The following SLC30A9 variants were observed in gnomAD, a reference collection of about 807,000 sequenced individuals.
The protein encoded by SLC30A9 is solute carrier family 30 member 9, also known as proton-coupled zinc antiporter SLC30A9, mitochondrial.
In SLC30A9, 58 loss-of-function variants were observed where a neutral mutation model predicts 87.5. The observed-to-expected ratio is 0.66, with a 90% CI of 0.54 to 0.82. The LOEUF is 0.82. SLC30A9 is among the 40% of genes least tolerant of loss of function. SLC30A9 has a pLI of 0.00. For synonymous variants in SLC30A9, 234 were observed against 233.0 expected, an observed-to-expected ratio of 1.00 and a Z score of -0.04; for missense variants, 557 against 679.1, an observed-to-expected ratio of 0.82 and a Z score of 2.00.
At chr4:42,022,556 G>A (rs1249313587) in intron 4 of SLC30A9, among the ~76,000 whole-genome samples, 1 of 152,126 alleles carries the variant, frequency 6.6e-6, no homozygotes, top group East Asian at 1.9e-4. Context: ...TGGCAGTGGT[G>A]TGCCCATAGC....
Position 42,078,281 on chromosome 4 carries a change from G to C in SLC30A9, c.1618G>C (p.Asp540His). 3.8e-6 allele frequency: 6 copies of C among 1,584,106 alleles called. No individual in the cohort carries two copies. The highest frequency in any genetic ancestry group is 1.4e-5 in the African/African-American group (1 of 73,908). ...FMLKHGENII[D>H]TLGAEVDRLE... ...GCTTAAACATGGAGAAAATATTATTGATACTTTAGGAGCTGAAGTAGATAG... is the reference window on the plus strand; with the variant it reads ...GCTTAAACATGGAGAAAATATTATTCATACTTTAGGAGCTGAAGTAGATAG... Residue 540 changes from aspartate to histidine, a missense_variant, in exon 17 of 18, where the codon GAT (aspartate) becomes CAT (histidine). Physicochemically the swap from Asp to His is moderately conservative, Grantham distance 81 (BLOSUM62 -1). Transcript: ENST00000264451.
intron 3 of SLC30A9, among the ~76,000 whole-genome samples, chr4:42,020,187 A>T (rs1161325754): frequency 6.6e-6 from 1 of 152,226 alleles, no homozygotes; most frequent in Non-Finnish European, 1.5e-5. Flanking sequence ...ACAAAGGTTG[A>T]CATTTTGGGA....
intron 8 of SLC30A9, among the ~76,000 whole-genome samples, chr4:42,043,918 CA>C (rs1227247711): frequency 6.6e-6 from 1 of 152,198 alleles, no homozygotes; most frequent in Non-Finnish European, 1.5e-5. Flanking sequence ...CAATATTCAA[CA>C]TTCTTAAAGA....
intron 9 of SLC30A9, among the ~76,000 whole-genome samples, chr4:42,050,102 G>T (rs968084241): frequency 1.3e-5 from 2 of 152,004 alleles, no homozygotes; most frequent in Non-Finnish European, 2.9e-5. Flanking sequence ...AGAGACACAG[G>T]TAAAATAAGA....
In SLC30A9 at chr4:42,063,062, T is replaced by C. The variant is rs1483412248; in HGVS notation, c.973T>C (p.Ser325Pro). The C allele has an allele frequency of 1.2e-5, 19 of 1,613,508 alleles. No individual in the cohort carries two copies. Among genetic ancestry groups the C allele is most frequent in the Non-Finnish European group, 1.5e-5 (18 of 1,179,562 alleles). The part of the protein sequence containing the change: ...VGIFMMGAGL[S>P]WYHGVMGLLH... ...TATTTTCATGATGGGTGCAGGACTA[T>C]CTTGGTACCATGGAGTCATGGGATT... The change falls in exon 11 of 18, where the codon TCT (serine) becomes CCT (proline). Residue 325 changes from serine to proline, a missense_variant. By Grantham distance (74) the Ser-to-Pro change is moderately conservative. This residue lies in a region of SLC30A9 where 467 missense variants were observed against 529.8 expected (regional missense o/e 0.88). Coordinates refer to ENST00000264451, the MANE Select transcript of SLC30A9 (RefSeq NM_006345.4).
chr4:42,064,782 G>A (rs1718016137), intron 11 of SLC30A9, among the ~76,000 whole-genome samples: 1 of 152,048 alleles, frequency 6.6e-6, no homozygotes, highest in African/African-American at 2.4e-5. Context: ...GTTGGACTAG[G>A]TTCAAAGTTT....
intron 2 of SLC30A9, among the ~76,000 whole-genome samples, chr4:42,015,698 C>G (rs1202311085): frequency 6.6e-6 from 1 of 152,102 alleles, no homozygotes; most frequent in East Asian, 1.9e-4. Context: ...TTCCTTGATT[C>G]ATTCTCTTCA....
At chr4:42,082,453 T>C (rs937105827) in intron 17 of SLC30A9, among the ~76,000 whole-genome samples, 1 of 152,198 alleles carries the variant, frequency 6.6e-6, no homozygotes, top group African/African-American at 2.4e-5. Flanking sequence ...TTGGATTATT[T>C]TGGGAGGTCA....
At position 42,049,544 on chromosome 4, in the gene SLC30A9, G is replaced by A. The variant is rs1577708318; in HGVS notation, c.840+65G>A. The A allele has an allele frequency of 2.1e-5, 18 of 860,928 alleles. No individual in the cohort carries two copies. The East Asian group carries it at 4.6e-4, about 22-fold the overall frequency. 53.3% of individuals were successfully genotyped at this position (860,928 alleles called of 1,614,324 possible). ...AATAGTTGTAGGCTTTAATCTAAAA[G>A]TTGATCTATTTTAAAACTGAATGAT... On this transcript the variant is annotated intron_variant, in intron 9 of 17. Transcript: ENST00000264451.
chr4:42,019,524 A>G (rs1422846747), intron 3 of SLC30A9, among the ~76,000 whole-genome samples: 1 of 152,044 alleles, frequency 6.6e-6, no homozygotes, highest in Non-Finnish European at 1.5e-5. Context: ...TTTTTAACTG[A>G]TGAAATTATT....
intron 3 of SLC30A9, among the ~76,000 whole-genome samples, chr4:42,020,053 G>A (rs1029245299): frequency 6.6e-6 from 1 of 151,980 alleles, no homozygotes; most frequent in East Asian, 1.9e-4. Context: ...ACCTGCCTTG[G>A]CCTCCCAATA....
rs569447061 is a variant in SLC30A9 at position 42,078,482 on chromosome 4, TTAGA to T, written c.1662+160_1662+163del. 5.1e-4 allele frequency: 230 copies of T among 451,066 alleles called. 3 individuals are homozygous for T. The highest frequency in any genetic ancestry group is 4.4e-3 in the African/African-American group (215 of 48,530). 27.9% of individuals were successfully genotyped at this position (451,066 alleles called of 1,614,324 possible). A position where few individuals can be genotyped will look rare whatever the true frequency, so the allele number is the denominator to read the frequency against. ...ATTTATAAGCAAGAAAATGACTGGG[TTAGA>T]TAAGTTGAATAATTTACCCAAGGAA... On this transcript the variant is annotated intron_variant, in intron 17 of 17. Coordinates refer to ENST00000264451, the MANE Select transcript of SLC30A9 (RefSeq NM_006345.4).
At chr4:42,009,545 G>C (rs185785063) in intron 2 of SLC30A9, among the ~76,000 whole-genome samples, 1 of 152,198 alleles carries the variant, frequency 6.6e-6, no homozygotes, top group African/African-American at 2.4e-5. Context: ...AATGTCTAGC[G>C]ATATTCATGG....
chr4:42,015,644 G>A (rs1360330791), intron 2 of SLC30A9, among the ~76,000 whole-genome samples: 6 of 152,178 alleles, frequency 3.9e-5, no homozygotes, highest in African/African-American at 1.2e-4. Context: ...TTTTCTTCGT[G>A]GTTATTGCAT....
In SLC30A9 at chr4:41,990,620, G is replaced by A; in HGVS notation, c.-32G>A. ...CGGTGGCGGCGCGGAGGCAGAAGGC[G>A]GTGTCCGAGTAGGGGCCTCTGCCCC... On this transcript the variant is annotated 5_prime_UTR_variant, in exon 1 of 18. Transcript: ENST00000264451. 1.5e-6 allele frequency: 2 copies of A among 1,369,302 alleles called. No individual in the cohort carries two copies. The highest frequency in any genetic ancestry group is 2.1e-6 in the Non-Finnish European group (2 of 972,498). 84.8% of individuals were successfully genotyped at this position (1,369,302 alleles called of 1,614,324 possible).
At chr4:42,024,052 G>T (rs1716088361) in intron 6 of SLC30A9, among the ~76,000 whole-genome samples, 1 of 152,130 alleles carries the variant, frequency 6.6e-6, no homozygotes, top group South Asian at 2.1e-4. Context: ...TTTGGGTGGG[G>T]ACACAGAGCC....
intron 6 of SLC30A9, among the ~76,000 whole-genome samples, chr4:42,028,946 A>G (rs1178878645): frequency 6.6e-6 from 1 of 152,260 alleles, no homozygotes; most frequent in African/African-American, 2.4e-5. Flanking sequence ...AGGGGAAAAC[A>G]GTGCTTAAAT....
chr4:42,073,335 G>A (rs1718391658), intron 15 of SLC30A9, among the ~76,000 whole-genome samples: 1 of 152,168 alleles, frequency 6.6e-6, no homozygotes, highest in Non-Finnish European at 1.5e-5. Flanking sequence ...CTAAAAAAGA[G>A]CTATAAACTG....
rs547294532 is a variant in SLC30A9, at chr4:42,035,277, C to A, written c.613C>A (p.Leu205Ile). ...KEAEIEYRERLFRNQKILREY... is the reference protein window; with the variant it reads ...KEAEIEYRERIFRNQKILREY... Reference sequence around the variant, plus strand: ...AATTTATTTTGTTATTCTTACAGGGCTATTTAGAAACCAAAAAATATTAAG... The same window carrying A: ...AATTTATTTTGTTATTCTTACAGGGATATTTAGAAACCAAAAAATATTAAG... Residue 205 changes from leucine (L) to isoleucine (I), a missense_variant and splice_region_variant, in exon 7 of 18, where the codon CTA becomes ATA. Transcript: ENST00000264451. The A allele has an allele frequency of 2.5e-6, 4 of 1,598,306 alleles. No individual in the cohort carries two copies. The East Asian group carries it at 9.0e-5, about 36-fold the overall frequency.
Sources: allele counts gnomAD v4.1 joint callset (sites outside exome capture counted in the v4.1 genomes callset), GRCh38; gene constraint gnomAD v4.1.1; regional missense constraint gnomAD v4.1.1; transcripts MANE v1.5; gene names NCBI Gene and HGNC (gene_info 2026-07-23, HGNC 2026-07-21).